NCAM1: variants seen among roughly 807,000 people sequenced by gnomAD.
NCAM1 encodes antigen recognized by monoclonal antibody 5.1H11.
In NCAM1, 14 loss-of-function variants were observed where a neutral mutation model predicts 109.8. The ratio of observed to expected loss-of-function variants is 0.13; its 90% CI spans 0.08 to 0.20. The LOEUF is 0.20. Among genes scored for constraint, NCAM1 ranks in the 10% least tolerant of loss-of-function variants. The pLI, the probability that NCAM1 is intolerant of heterozygous loss-of-function variation, is 1.00. For missense variants in NCAM1, 774 were observed against 1,109.9 expected, an observed-to-expected ratio of 0.70 and a Z score of 4.30; for synonymous variants, 418 against 442.9, an observed-to-expected ratio of 0.94 and a Z score of 0.70.
intron 1 of NCAM1, among the ~76,000 whole-genome samples, chr11:113,071,587 G>A (rs959892936): frequency 2.0e-5 from 3 of 152,008 alleles, no homozygotes; most frequent in East Asian, 2.0e-4. Context: ...CATGGCACCC[G>A]GCTAATTTTT....
chr11:113,112,087 C>T (rs1940472691), intron 1 of NCAM1, among the ~76,000 whole-genome samples: 2 of 152,100 alleles, frequency 1.3e-5, no homozygotes, highest in Admixed American at 1.3e-4. Flanking sequence ...TGTTGTTAGC[C>T]TGCTAGTGAT....
chr11:113,166,953 G>A (rs1206436786), intron 1 of NCAM1, among the ~76,000 whole-genome samples: 3 of 152,144 alleles, frequency 2.0e-5, no homozygotes, highest in Non-Finnish European at 4.4e-5. Context: ...TCACTCACTC[G>A]TTCACTCCTT....
At chr11:113,195,472 C>T (rs1268634490) in intron 1 of NCAM1, among the ~76,000 whole-genome samples, 1 of 149,826 alleles carries the variant, frequency 6.7e-6, no homozygotes, top group East Asian at 2.0e-4. Flanking sequence ...CACACACACA[C>T]ACACAAACAC....
At position 113,234,959 on chromosome 11, in the gene NCAM1, T is replaced by C. The variant is rs2137275334; in HGVS notation, c.1694-74T>C. 9.5e-6 allele frequency: 14 copies of C among 1,474,204 alleles called. No individual in the cohort carries two copies. In the South Asian group the frequency reaches 1.9e-4, roughly 20 times the overall value. The allele number at this position is 1,474,204 out of a possible 1,614,324, so 91.3% of individuals were successfully genotyped here. A position where few individuals can be genotyped will look rare whatever the true frequency, so the allele number is the denominator to read the frequency against. On this transcript the variant is annotated intron_variant, in intron 13 of 19. Transcript: ENST00000316851. ...TCTACAGTTAATTTTTTCAGGACCC[T>C]CCCTACTGTTTTTCAGAGCGGCTGC... is the stretch of plus-strand genomic sequence containing the variant.
rs781982002 is a variant in NCAM1 at position 112,961,480 on chromosome 11, C to G, written c.-133C>G. On this transcript the variant is annotated 5_prime_UTR_variant, in exon 1 of 20. Coordinates refer to ENST00000316851, the MANE Select transcript of NCAM1 (RefSeq NM_181351.5). ...CTGCCGCTGGCAGGAAACAATTCTG[C>G]AAAAATAATCATACTCAGCCTGGCA... The G allele has an allele frequency of 2.5e-6, 2 of 791,430 alleles. No individual in the cohort carries two copies. The highest frequency in any genetic ancestry group is 4.7e-6 in the Non-Finnish European group (2 of 429,414). The allele number at this position is 791,430 out of a possible 1,614,324, so 49.0% of individuals were successfully genotyped here. A position where few individuals can be genotyped will look rare whatever the true frequency, so the allele number is the denominator to read the frequency against.
chr11:113,190,411 A>G (rs1555109638), intron 1 of NCAM1, among the ~76,000 whole-genome samples: 1 of 152,196 alleles, frequency 6.6e-6, no homozygotes, highest in African/African-American at 2.4e-5. Flanking sequence ...TGCCAGATGT[A>G]ATACTGCAGA....
At chr11:113,001,822 G>A (rs1951760682) in intron 1 of NCAM1, among the ~76,000 whole-genome samples, 1 of 152,144 alleles carries the variant, frequency 6.6e-6, no homozygotes, top group African/African-American at 2.4e-5. Flanking sequence ...AACTCCAGTG[G>A]TGAGGTGCAG....
intron 1 of NCAM1, among the ~76,000 whole-genome samples, chr11:113,175,699 T>A (rs1307578565): frequency 6.6e-6 from 1 of 152,242 alleles, no homozygotes; most frequent in Non-Finnish European, 1.5e-5. Flanking sequence ...TTTCATACCA[T>A]TCACCATTGT....
At chr11:113,118,131 C>T (rs1940789664) in intron 1 of NCAM1, among the ~76,000 whole-genome samples, 1 of 151,872 alleles carries the variant, frequency 6.6e-6, no homozygotes. Context: ...TATTTTTCCA[C>T]TTGAATCATT....
intron 9 of NCAM1, among the ~76,000 whole-genome samples, chr11:113,227,885 C>T (rs182827390): frequency 2.6e-5 from 4 of 152,076 alleles, no homozygotes; most frequent in East Asian, 1.9e-4. Flanking sequence ...ATCCAACAAC[C>T]CTTCATGCTA....
At chr11:113,036,493 C>T (rs1373112819) in intron 1 of NCAM1, among the ~76,000 whole-genome samples, 2 of 152,048 alleles carry the variant, frequency 1.3e-5, no homozygotes, top group African/African-American at 4.8e-5. Context: ...CCTGCACTCA[C>T]CTCCCACTCT....
intron 3 of NCAM1, among the ~76,000 whole-genome samples, chr11:113,205,129 C>T (rs1049501699): frequency 1.3e-5 from 2 of 152,092 alleles, no homozygotes; most frequent in Non-Finnish European, 2.9e-5. Context: ...AGTAGCAGTT[C>T]GAGTGGGAGA....
At chr11:112,976,194 A>G in intron 1 of NCAM1, among the ~76,000 whole-genome samples, 1 of 152,090 alleles carries the variant, frequency 6.6e-6, no homozygotes, top group East Asian at 1.9e-4. Context: ...TATTTTAACA[A>G]TTTATGAATG....
At chr11:113,163,798 G>C (rs762781256) in intron 1 of NCAM1, among the ~76,000 whole-genome samples, 3 of 152,168 alleles carry the variant, frequency 2.0e-5, no homozygotes, top group Non-Finnish European at 4.4e-5. Context: ...TAAGTGTCCA[G>C]GCAGTATGCC....
At chr11:113,123,591 G>C (rs1158831818) in intron 1 of NCAM1, among the ~76,000 whole-genome samples, 3 of 152,126 alleles carry the variant, frequency 2.0e-5, no homozygotes, top group Non-Finnish European at 2.9e-5. Context: ...CTGCTTCTGT[G>C]GTACCCCTGA....
At chr11:113,062,074 T>A (rs1937682183) in intron 1 of NCAM1, among the ~76,000 whole-genome samples, 1 of 152,208 alleles carries the variant, frequency 6.6e-6, no homozygotes, top group Non-Finnish European at 1.5e-5. Flanking sequence ...GTGAGCACAA[T>A]GCATGCACGT....
At chr11:113,241,498 T>C (rs1187896899) in intron 14 of NCAM1, among the ~76,000 whole-genome samples, 6 of 152,126 alleles carry the variant, frequency 3.9e-5, no homozygotes, top group Admixed American at 3.3e-4. Flanking sequence ...ATCACAAACA[T>C]TTTCATGTTT....
intron 1 of NCAM1, among the ~76,000 whole-genome samples, chr11:112,984,749 AT>A (rs1203597629): frequency 5.4e-5 from 8 of 148,082 alleles, no homozygotes; most frequent in Non-Finnish European, 1.2e-4. Flanking sequence ...TGGTTTATTC[AT>A]TTTTTTTTGC....
intron 1 of NCAM1, among the ~76,000 whole-genome samples, chr11:113,074,553 G>A (rs782127357): frequency 1.1e-4 from 16 of 152,186 alleles, no homozygotes; most frequent in Non-Finnish European, 2.2e-4. Flanking sequence ...TGCCAATATG[G>A]TAACCCTTGT....
Sources: allele counts gnomAD v4.1 joint callset (sites outside exome capture counted in the v4.1 genomes callset), GRCh38; gene constraint gnomAD v4.1.1; transcripts MANE v1.5; gene names NCBI Gene and HGNC (gene_info 2026-07-23, HGNC 2026-07-21).